Variants in TMEM8B observed in about 807,000 individuals in gnomAD.
The protein encoded by TMEM8B is nasopharyngeal carcinoma expressed 6.
TMEM8B carries 29 observed loss-of-function variants against 49.3 expected under a neutral mutation model. The observed-to-expected ratio is 0.59, with a 90% CI of 0.44 to 0.80. The LOEUF is 0.80. Among genes scored for constraint, TMEM8B ranks in the 30% least tolerant of loss-of-function variants. The probability of loss-of-function intolerance (pLI) is 0.00; values close to 1 mark genes in which losing one functional copy is unlikely to be tolerated. For synonymous variants in TMEM8B, 264 were observed against 272.8 expected, an observed-to-expected ratio of 0.97 and a Z score of 0.32; for missense variants, 575 against 658.5, an observed-to-expected ratio of 0.87 and a Z score of 1.39.
chr9:35,855,836 T>G lies in TMEM8B; in HGVS notation c.*1996T>G, dbSNP rs117089452. The G allele has an allele frequency of 4.1e-3, 632 of 152,320 alleles. 6 individuals are homozygous for G. Among genetic ancestry groups the G allele is most frequent in the Non-Finnish European group, 6.7e-3 (453 of 68,026 alleles). The allele number at this position is 152,320 out of a possible 1,614,324, so 9.4% of individuals were successfully genotyped here. A position where few individuals can be genotyped will look rare whatever the true frequency, so the allele number is the denominator to read the frequency against. On this transcript the variant is annotated 3_prime_UTR_variant, in exon 13 of 13. Transcript: ENST00000643932. ...CTTCCATGGGGCACTGAGCAGAGAA[T>G]GGTGTGGCCAAGTGAGTAGTGAGAA...
chr9:35,833,678 C>T (rs1418953383), intron 1 of TMEM8B, among the ~76,000 whole-genome samples: 1 of 152,126 alleles, frequency 6.6e-6, no homozygotes, highest in Non-Finnish European at 1.5e-5. Context: ...ACTGGGCTTC[C>T]CTTTGGGGGA....
intron 10 of TMEM8B, among the ~76,000 whole-genome samples, chr9:35,847,618 G>A (rs1421353343): frequency 6.6e-6 from 1 of 152,192 alleles, no homozygotes; most frequent in East Asian, 1.9e-4. Context: ...CTGACTCTCA[G>A]AGTCCTGAGA....
rs1829667234 is a variant in TMEM8B at position 35,829,780 on chromosome 9, G to GCCCAA, written c.338_342dup (p.Leu115ThrfsTer19). The GCCCAA allele has an allele frequency of 2.4e-6, 1 of 416,160 alleles. No homozygotes were observed. 25.8% of individuals were successfully genotyped at this position (416,160 alleles called of 1,614,324 possible). On this transcript the variant is annotated frameshift_variant, in exon 1 of 13. Transcript: ENST00000643932. LOFTEE classifies it high-confidence loss of function. The stretch of plus-strand genomic sequence containing the variant: ...TGTTCAAGCCCCAGTGTCCAGCCCA[G>GCCCAA]CCCAACCCATTATCTCAGCCTTTGC...
Position 35,853,531 on chromosome 9 carries a change from C to G in TMEM8B, c.2466C>G (p.His822Gln), listed in dbSNP as rs2132406402. Residue 822 changes from histidine to glutamine, a missense_variant, in exon 13 of 13, where the codon CAC becomes CAG. By Grantham distance (24) the His-to-Gln change is conservative. Coordinates refer to ENST00000643932, the MANE Select transcript of TMEM8B (RefSeq NM_001042590.4). The surrounding 1 kb of genome is among the most constrained non-coding windows in gnomAD (Gnocchi z 4.2). Reference sequence around the variant, plus strand: ...CAGTACGCAGCGTCCGCCGCCGGCACTGCTACCCACCCACGTGGCGCCGCT... The same window carrying G: ...CAGTACGCAGCGTCCGCCGCCGGCAGTGCTACCCACCCACGTGGCGCCGCT... Reference protein sequence around the residue: ...AWTVRSVRRRHCYPPTWRRWL... With the variant: ...AWTVRSVRRRQCYPPTWRRWL... 6.2e-7 allele frequency: 1 copy of G among 1,613,984 alleles called. No individual in the cohort carries two copies. The highest frequency in any genetic ancestry group is 2.2e-5 in the East Asian group (1 of 44,894).
rs1029032707 is a variant in TMEM8B at position 35,858,293 on chromosome 9, A to G, written c.*4453A>G. On this transcript the variant is annotated 3_prime_UTR_variant, in exon 13 of 13. Transcript: ENST00000643932. Reference sequence around the variant, plus strand: ...TTTAGTAGAGGCAGGGTTTCATCACATTTCCCGGGCTGGTCTCGAACTCCT... The same window carrying G: ...TTTAGTAGAGGCAGGGTTTCATCACGTTTCCCGGGCTGGTCTCGAACTCCT... 13 of 150,950 alleles carry G rather than the reference A, an allele frequency of 8.6e-5. No individual in the cohort carries two copies. Among genetic ancestry groups the G allele is most frequent in the African/African-American group, 3.2e-4 (13 of 41,034 alleles). 9.4% of individuals were successfully genotyped at this position (150,950 alleles called of 1,614,324 possible). A position where few individuals can be genotyped will look rare whatever the true frequency, so the allele number is the denominator to read the frequency against.
At chr9:35,846,429 G>C (rs1357183660) in intron 8 of TMEM8B, 40 bp from the exon 9 acceptor site, 1 of 1,598,548 alleles carries the variant, frequency 6.3e-7, no homozygotes, top group Admixed American at 1.7e-5. Context: ...ACTTGGCGGG[G>C]GTGGCCCGGG....
chr9:35,864,389 T>C lies in TMEM8B; in HGVS notation c.*10549T>C, dbSNP rs959287157. 6.6e-6 allele frequency: 1 copy of C among 152,246 alleles called. No individual in the cohort carries two copies. Among genetic ancestry groups the C allele is most frequent in the Non-Finnish European group, 1.5e-5 (1 of 68,040 alleles). 9.4% of individuals were successfully genotyped at this position (152,246 alleles called of 1,614,324 possible). ...GGCATAACAAGAAGAAAGCTTCGGT[T>C]ACAATTTCCCCGAAATGCCTGGATC... On this transcript the variant is annotated 3_prime_UTR_variant, in exon 13 of 13. Coordinates refer to ENST00000643932, the MANE Select transcript of TMEM8B (RefSeq NM_001042590.4).
At position 35,842,653 on chromosome 9, in the gene TMEM8B, C is replaced by T. The variant is rs745581347; in HGVS notation, c.1571C>T (p.Ala524Val). 1 of 1,614,170 alleles carries T rather than the reference C, an allele frequency of 6.2e-7. No individual in the cohort carries two copies. The highest frequency in any genetic ancestry group is 1.1e-5 in the South Asian group (1 of 91,080). Reference protein sequence around the residue: ...ALPPERPAVFAMRLLPVLDSG... With the variant: ...ALPPERPAVFVMRLLPVLDSG... ...CCCCCTGAGCGCCCAGCCGTGTTCG[C>T]CATGAGGCTGTTGCCAGTGCTGGAC... Residue 524 changes from alanine to valine, a missense_variant, in exon 6 of 13, where the codon GCC becomes GTC. Transcript: ENST00000643932. This position sits in a 1 kb window ranked among gnomAD's most constrained non-coding sequence, Gnocchi z 5.6.
intron 1 of TMEM8B, among the ~76,000 whole-genome samples, chr9:35,830,664 T>A (rs886876834): frequency 2.0e-5 from 3 of 151,782 alleles, no homozygotes; most frequent in Admixed American, 6.6e-5. Context: ...TGTTTTTTTT[T>A]ATCCACTGCA....
intron 1 of TMEM8B, among the ~76,000 whole-genome samples, 176 bp from the exon 2 acceptor site, chr9:35,834,285 A>G (rs1830221960): frequency 6.6e-6 from 1 of 152,060 alleles, no homozygotes; most frequent in African/African-American, 2.4e-5. Context: ...AGATTAACGT[A>G]AGGATTAAAC....
intron 6 of TMEM8B, among the ~76,000 whole-genome samples, chr9:35,843,816 G>A (rs1008983592): frequency 2.0e-5 from 3 of 152,090 alleles, no homozygotes; most frequent in Admixed American, 6.5e-5. Flanking sequence ...AGGCTGGAGT[G>A]TAGGGGTGTG....
intron 6 of TMEM8B, among the ~76,000 whole-genome samples, chr9:35,843,083 T>A (rs7854812): frequency 0.19 from 28,372 of 152,096 alleles, 2,891 homozygotes; most frequent in East Asian, 0.37. Context: ...TAGCGCTGAT[T>A]GCCAAAGGCA....
intron 10 of TMEM8B, among the ~76,000 whole-genome samples, chr9:35,850,633 C>T (rs532917958): frequency 5.1e-4 from 77 of 152,290 alleles, no homozygotes; most frequent in Middle Eastern, 3.4e-3. Context: ...GAGATAATAT[C>T]TCCATTTTTC....
chr9:35,864,233 C>T lies in TMEM8B; in HGVS notation c.*10393C>T, dbSNP rs927969445. ...CTCATATGTTTCTAGCAACTTCCAA[C>T]CTGAGGTCTGATAGACCCAGGGTTA... On this transcript the variant is annotated 3_prime_UTR_variant, in exon 13 of 13. Coordinates refer to ENST00000643932, the MANE Select transcript of TMEM8B (RefSeq NM_001042590.4). 1.3e-5 allele frequency: 2 copies of T among 152,218 alleles called. No individual in the cohort carries two copies. Among genetic ancestry groups the T allele is most frequent in the African/African-American group, 2.4e-5 (1 of 41,454 alleles). 9.4% of individuals were successfully genotyped at this position (152,218 alleles called of 1,614,324 possible).
rs1832659405 is a variant in TMEM8B, at chr9:35,861,844, G to C, written c.*8004G>C. 6.6e-6 allele frequency: 1 copy of C among 152,178 alleles called. No homozygotes were observed. The highest frequency in any genetic ancestry group is 1.5e-5 in the Non-Finnish European group (1 of 68,054). 9.4% of individuals were successfully genotyped at this position (152,178 alleles called of 1,614,324 possible). ...ACAGGTTCCTGCTCCATCTATACTA[G>C]CCACCTCCTGGACAAGGGCTCCAGT... is the stretch of plus-strand genomic sequence containing the variant. On this transcript the variant is annotated 3_prime_UTR_variant, in exon 13 of 13. Coordinates refer to ENST00000643932, the MANE Select transcript of TMEM8B (RefSeq NM_001042590.4).
chr9:35,834,354 A>G (rs2132232842), intron 1 of TMEM8B, 107 bp from the exon 2 acceptor site: 3 of 399,788 alleles, frequency 7.5e-6, no homozygotes, highest in East Asian at 7.1e-5. Context: ...CTCAGAGGAG[A>G]GCATTTGTGG....
At chr9:35,838,856 A>G (rs980433585) in intron 3 of TMEM8B, among the ~76,000 whole-genome samples, 1 of 152,198 alleles carries the variant, frequency 6.6e-6, no homozygotes, top group African/African-American at 2.4e-5. Context: ...GCAATCGTAA[A>G]GAAAAAGTCT....
intron 1 of TMEM8B, among the ~76,000 whole-genome samples, chr9:35,830,970 C>G (rs1829827954): frequency 6.6e-6 from 1 of 152,146 alleles, no homozygotes; most frequent in South Asian, 2.1e-4. Context: ...GTAGCCACCT[C>G]TGGTGGGTGT....
chr9:35,854,127 C>A lies in TMEM8B; in HGVS notation c.*287C>A. The A allele has an allele frequency of 1.2e-6, 1 of 840,732 alleles. No individual in the cohort carries two copies. Among genetic ancestry groups the A allele is most frequent in the Non-Finnish European group, 1.6e-6 (1 of 644,116 alleles). The allele number at this position is 840,732 out of a possible 1,614,324, so 52.1% of individuals were successfully genotyped here. Reference sequence around the variant, plus strand: ...CCCTCCTGCAGGTGTGGAGCCTTTCCTGGGATGCAGAGCCTTCCCAAGACA... The same window carrying A: ...CCCTCCTGCAGGTGTGGAGCCTTTCATGGGATGCAGAGCCTTCCCAAGACA... On this transcript the variant is annotated 3_prime_UTR_variant, in exon 13 of 13. Transcript: ENST00000643932.
Sources: allele counts gnomAD v4.1 joint callset (sites outside exome capture counted in the v4.1 genomes callset), GRCh38; gene constraint gnomAD v4.1.1; non-coding constraint Gnocchi (gnomAD v3.1); transcripts MANE v1.5; gene names NCBI Gene and HGNC (gene_info 2026-07-23, HGNC 2026-07-21).